MED13: variants seen among roughly 807,000 people sequenced by gnomAD.
MED13 encodes the protein mediator of RNA polymerase II transcription subunit 13.
Under a neutral mutation model 225.2 loss-of-function variants are expected in MED13, and 23 were observed. The observed-to-expected ratio is 0.10, with a 90% CI of 0.07 to 0.14. The LOEUF (loss-of-function observed/expected upper bound fraction) is 0.14. Ranked by LOEUF, MED13 falls within the 10% of genes least tolerant of loss-of-function variation. The probability of loss-of-function intolerance (pLI) is 1.00; values close to 1 mark genes in which losing one functional copy is unlikely to be tolerated. For synonymous variants in MED13, 942 were observed against 889.2 expected (o/e 1.06, Z -1.06); for missense variants, 2,197 against 2,594.5 (o/e 0.85, Z 3.33).
At chr17:62,056,909 GGAA>G (rs1568006835) in intron 2 of MED13, among the ~76,000 whole-genome samples, 1 of 151,912 alleles carries the variant, frequency 6.6e-6, no homozygotes, top group Non-Finnish European at 1.5e-5. Flanking sequence ...ACTATTTATT[GGAA>G]GAAAACACAA....
chr17:61,947,194 GTT>G (rs375146013), intron 28 of MED13, among the ~76,000 whole-genome samples, 177 bp from the exon 29 acceptor site: 20 of 127,712 alleles, frequency 1.6e-4, no homozygotes, highest in Non-Finnish European at 1.2e-4. Context: ...TTATAGAAAT[GTT>G]TTTTTTTTTT....
At chr17:62,046,537 C>A (rs377554787) in intron 3 of MED13, among the ~76,000 whole-genome samples, 1 of 152,182 alleles carries the variant, frequency 6.6e-6, no homozygotes, top group Non-Finnish European at 1.5e-5. Context: ...ATGAAAATAT[C>A]CAATTAAAAG....
At chr17:62,030,128 A>G (rs2080740905) in intron 6 of MED13, 115 bp from the exon 7 acceptor site, 2 of 1,023,354 alleles carry the variant, frequency 2.0e-6, no homozygotes, top group Non-Finnish European at 1.3e-6. Flanking sequence ...TGGTAAAATT[A>G]TTTATATTTT....
chr17:62,058,011 T>C (rs1351303631), intron 2 of MED13, among the ~76,000 whole-genome samples: 1 of 152,104 alleles, frequency 6.6e-6, no homozygotes, highest in Admixed American at 6.6e-5. Flanking sequence ...AGAATAAAAA[T>C]ACACAGAAAA....
intron 9 of MED13, among the ~76,000 whole-genome samples, chr17:62,000,009 G>A (rs1278263338): frequency 1.3e-5 from 2 of 152,280 alleles, no homozygotes; most frequent in East Asian, 3.9e-4. Context: ...GTTCAAGGCT[G>A]CAGTGAGCCA....
At chr17:61,973,465 C>A (rs1416076708) in intron 16 of MED13, among the ~76,000 whole-genome samples, 1 of 152,100 alleles carries the variant, frequency 6.6e-6, no homozygotes, top group East Asian at 1.9e-4. Flanking sequence ...TTATGACCTG[C>A]ATTTCTGACC....
intron 8 of MED13, among the ~76,000 whole-genome samples, chr17:62,023,329 G>C (rs965661820): frequency 3.9e-5 from 6 of 152,108 alleles, no homozygotes; most frequent in African/African-American, 1.4e-4. Flanking sequence ...CAAAACAGAG[G>C]AAAGTGAGGA....
rs60883751 is a variant in MED13, at chr17:61,956,679, A to G, written c.5481-198T>C. Among the ~76,000 whole-genome samples, 443 of 152,132 alleles carry G rather than the reference A, an allele frequency of 2.9e-3. 3 individuals carry two copies. The highest frequency in any genetic ancestry group is 0.01 in the African/African-American group (417 of 41,502). On this transcript the variant is annotated intron_variant, in intron 23 of 29. Coordinates refer to ENST00000397786, the MANE Select transcript of MED13 (RefSeq NM_005121.3). Reference sequence around the variant, plus strand: ...CTCAGCCTCATGAATAGCTACAACTACAGGTGTGTGCCAACACACCCAGCT... The same window carrying G: ...CTCAGCCTCATGAATAGCTACAACTGCAGGTGTGTGCCAACACACCCAGCT...
intron 2 of MED13, among the ~76,000 whole-genome samples, chr17:62,058,619 C>G (rs983715250): frequency 6.6e-6 from 1 of 151,866 alleles, no homozygotes; most frequent in African/African-American, 2.4e-5. Flanking sequence ...ACATATCGAC[C>G]CCGATTCAAC....
intron 23 of MED13, among the ~76,000 whole-genome samples, chr17:61,958,425 G>A (rs569594358): frequency 8.0e-5 from 12 of 149,286 alleles, no homozygotes; most frequent in African/African-American, 2.7e-4. Context: ...TGCAACCTTC[G>A]CTTCCTGGGT....
intron 8 of MED13, among the ~76,000 whole-genome samples, chr17:62,017,277 G>A (rs540876695): frequency 2.1e-5 from 3 of 146,170 alleles, no homozygotes; most frequent in African/African-American, 7.5e-5. Flanking sequence ...GTATTCCAAG[G>A]TCTTTGTTCA....
intron 11 of MED13, among the ~76,000 whole-genome samples, chr17:61,989,006 G>T (rs889340278): frequency 5.3e-4 from 79 of 148,966 alleles, no homozygotes; most frequent in African/African-American, 1.8e-3. Context: ...CTACTTCCAT[G>T]AATCCAGCTT....
At chr17:61,980,832 C>T (rs57418848) in intron 16 of MED13, among the ~76,000 whole-genome samples, 2,865 of 149,336 alleles carry the variant, frequency 0.019, 79 homozygotes, top group African/African-American at 0.067. Context: ...AACCTCCGCC[C>T]CCCAGGTTCA....
At chr17:62,051,053 A>AAT (rs1261680788) in intron 3 of MED13, among the ~76,000 whole-genome samples, 2 of 152,194 alleles carry the variant, frequency 1.3e-5, no homozygotes, top group African/African-American at 2.4e-5. Context: ...CTGCCTACCC[A>AAT]ATATCCATTT....
chr17:61,947,198 T>G (rs920353857), intron 28 of MED13, among the ~76,000 whole-genome samples, 181 bp from the exon 29 acceptor site: 4 of 151,916 alleles, frequency 2.6e-5, no homozygotes, highest in African/African-American at 7.3e-5. Flanking sequence ...AGAAATGTTT[T>G]TTTTTTTTTT....
chr17:62,040,767 G>A (rs189479973), intron 3 of MED13, among the ~76,000 whole-genome samples: 59 of 152,102 alleles, frequency 3.9e-4, no homozygotes, highest in Non-Finnish European at 4.9e-4. Flanking sequence ...AAAAATGGCC[G>A]ATAAACACAT....
chr17:62,054,369 C>G (rs1162278530), intron 2 of MED13, among the ~76,000 whole-genome samples: 1 of 151,854 alleles, frequency 6.6e-6, no homozygotes, highest in Non-Finnish European at 1.5e-5. Context: ...GAGAAAATGA[C>G]AATATTTCAG....
intron 11 of MED13, 135 bp from the exon 12 acceptor site, chr17:61,987,263 C>T (rs1465924354): frequency 2.5e-6 from 1 of 405,064 alleles, no homozygotes; most frequent in South Asian, 3.5e-5. Flanking sequence ...GGTGAAACCC[C>T]GTCTCTACTA....
chr17:61,960,757 T>A, intron 23 of MED13, 110 bp downstream of exon 23: 1 of 708,422 alleles, frequency 1.4e-6, no homozygotes, highest in Non-Finnish European at 2.2e-6. Context: ...CAACCCCACA[T>A]CTTAATATTT....
Sources: allele counts gnomAD v4.1 joint callset (sites outside exome capture counted in the v4.1 genomes callset), GRCh38; gene constraint gnomAD v4.1.1; transcripts MANE v1.5; gene names NCBI Gene and HGNC (gene_info 2026-07-23, HGNC 2026-07-21).